The following PEX19 variants were observed in gnomAD, a reference collection of about 807,000 sequenced individuals.
PEX19 encodes 33 kDa housekeeping protein.
A neutral mutation model predicts 36.3 loss-of-function variants in PEX19; 29 were observed. That is an observed-to-expected ratio of 0.80 (90% CI 0.60 to 1.09). The LOEUF is 1.09. Ranked by LOEUF, PEX19 falls within the 50% of genes least tolerant of loss-of-function variation. The pLI, the probability that PEX19 is intolerant of heterozygous loss-of-function variation, is 0.00. For synonymous variants in PEX19, 141 were observed against 135.2 expected, an observed-to-expected ratio of 1.04 and a Z score of -0.30; for missense variants, 396 against 368.1, an observed-to-expected ratio of 1.08 and a Z score of -0.62.
Position 160,282,974 on chromosome 1 carries a change from G to C in PEX19, c.316C>G (p.Gln106Glu), listed in dbSNP as rs1366310320. 2 of 1,614,200 alleles carry C rather than the reference G, an allele frequency of 1.2e-6. No individual in the cohort carries two copies. The highest frequency in any genetic ancestry group is 1.7e-6 in the Non-Finnish European group (2 of 1,180,026). ...EEEPHLVEQF[Q>E]KLSEAAGRVG... The stretch of plus-strand genomic sequence containing the variant: ...CTCCCTGCAGCCTCTGAGAGCTTTT[G>C]GAACTGCTCCACCAGGTGGGGTTCT... Residue 106 changes from glutamine (Q) to glutamate (E), a missense_variant, in exon 3 of 8, where the codon CAA (glutamine) becomes GAA (glutamate). By Grantham distance (29) the Gln-to-Glu change is conservative. Coordinates refer to ENST00000368072, the MANE Select transcript of PEX19 (RefSeq NM_002857.4).
intron 5 of PEX19, among the ~76,000 whole-genome samples, chr1:160,280,849 A>G (rs1328159651): frequency 6.6e-6 from 1 of 152,054 alleles, no homozygotes; most frequent in Non-Finnish European, 1.5e-5. Context: ...TTTTTTTCAA[A>G]TGACCTTAAA....
chr1:160,285,109 C>T lies in PEX19; in HGVS notation c.16G>A (p.Glu6Lys), dbSNP rs145845197. The change falls in exon 1 of 8, where the codon GAA (glutamate) becomes AAA (lysine). Residue 6 changes from glutamate (E) to lysine (K), a missense_variant. Transcript: ENST00000368072. Reference sequence around the variant, plus strand: ...GCTTCGGCCCCGACACTACAGCCTTCCTCAGCGGCGGCCATCTTGCTACCT... The same window carrying T: ...GCTTCGGCCCCGACACTACAGCCTTTCTCAGCGGCGGCCATCTTGCTACCT... MAAAE[E>K]GCSVGAEADR... The T allele has an allele frequency of 8.6e-4, 1,396 of 1,614,034 alleles. 3 individuals carry two copies. The highest frequency in any genetic ancestry group is 9.1e-4 in the Non-Finnish European group (1,079 of 1,179,912).
At position 160,279,792 on chromosome 1, in the gene PEX19, C is replaced by T. The variant is rs768845866; in HGVS notation, c.816+9G>A. 3.1e-6 allele frequency: 5 copies of T among 1,610,912 alleles called. No homozygotes were observed. Among genetic ancestry groups the T allele is most frequent in the Non-Finnish European group, 3.4e-6 (4 of 1,177,062 alleles). ...CAAATTAAAATCTGGAAAAATAAGA[C>T]ATACTCACCATCTCTCCAGCCAGCT... On this transcript the variant is annotated intron_variant, in intron 7 of 7. Coordinates refer to ENST00000368072, the MANE Select transcript of PEX19 (RefSeq NM_002857.4).
At chr1:160,281,824 T>C (rs1657781209) in intron 5 of PEX19, among the ~76,000 whole-genome samples, 1 of 152,112 alleles carries the variant, frequency 6.6e-6, no homozygotes, top group African/African-American at 2.4e-5. Flanking sequence ...CCCCAAACGT[T>C]ATACCTCTTA....
rs1571133303 is a variant in PEX19, at chr1:160,278,124, T to C, written c.*1427A>G. 1.4e-6 allele frequency: 1 copy of C among 702,432 alleles called. No individual in the cohort carries two copies. Among genetic ancestry groups the C allele is most frequent in the East Asian group, 2.7e-5 (1 of 37,284 alleles). The allele number at this position is 702,432 out of a possible 1,614,324, so 43.5% of individuals were successfully genotyped here. On this transcript the variant is annotated 3_prime_UTR_variant, in exon 8 of 8. Transcript: ENST00000368072. ...GGACAGCCAGCTGAGCTGACCAGAGTACCTACCAACATATGTCAGCCAAGG... is the reference window on the plus strand; with the variant it reads ...GGACAGCCAGCTGAGCTGACCAGAGCACCTACCAACATATGTCAGCCAAGG...
chr1:160,281,458 G>T (rs865837698), intron 5 of PEX19, among the ~76,000 whole-genome samples: 8 of 152,166 alleles, frequency 5.3e-5, no homozygotes, highest in African/African-American at 1.7e-4. Context: ...ACCCAGGCCG[G>T]AGTACAGTGG....
chr1:160,284,065 A>G (rs1657896931), intron 1 of PEX19: 1 of 471,750 alleles, frequency 2.1e-6, no homozygotes, highest in Non-Finnish European at 4.4e-6. Context: ...TTGGTGAGAA[A>G]GCACAGGACA....
intron 2 of PEX19, 71 bp downstream of exon 2, chr1:160,283,459 G>C: frequency 8.8e-7 from 1 of 1,132,676 alleles, no homozygotes; most frequent in South Asian, 1.4e-5. Flanking sequence ...GGCCCATAGG[G>C]GCCTGCCCAA....
At position 160,277,014 on chromosome 1, in the gene PEX19, C is replaced by G; in HGVS notation, c.*2537G>C. On this transcript the variant is annotated 3_prime_UTR_variant, in exon 8 of 8. Coordinates refer to ENST00000368072, the MANE Select transcript of PEX19 (RefSeq NM_002857.4). ...GCAGAAAAGGAAGGCTAGAGAAATG[C>G]TAGAGATGTCCTTACTAGTGACACA... 1 of 454,038 alleles carries G rather than the reference C, an allele frequency of 2.2e-6. No individual in the cohort carries two copies. Among genetic ancestry groups the G allele is most frequent in the South Asian group, 1.6e-5 (1 of 64,472 alleles). 28.1% of individuals were successfully genotyped at this position (454,038 alleles called of 1,614,324 possible).
At chr1:160,280,274 G>T (rs779026785) in intron 5 of PEX19, 28 bp from the exon 6 acceptor site, 17 of 1,585,260 alleles carry the variant, frequency 1.1e-5, no homozygotes, top group Non-Finnish European at 1.5e-5. Flanking sequence ...GGGTGGAAAA[G>T]AATTAAGTGA....
At chr1:160,281,971 C>CA in intron 5 of PEX19, 68 bp downstream of exon 5, 1 of 1,386,632 alleles carries the variant, frequency 7.2e-7, no homozygotes, top group Non-Finnish European at 1.0e-6. Flanking sequence ...TCTGAGTAGA[C>CA]AAAATAGCCC....
At chr1:160,284,621 G>A (rs1427843895) in intron 1 of PEX19, among the ~76,000 whole-genome samples, 1 of 152,184 alleles carries the variant, frequency 6.6e-6, no homozygotes, top group Non-Finnish European at 1.5e-5. Flanking sequence ...TGTCTTTCGT[G>A]TTAAGGAAGA....
rs1319943502 is a variant in PEX19, at chr1:160,277,274, A to G, written c.*2277T>C. ...TGTTTAAAAACTTTTTAGCATTTCAATGTTGCTGTGATATCCAAGTACATG... is the reference window on the plus strand; with the variant it reads ...TGTTTAAAAACTTTTTAGCATTTCAGTGTTGCTGTGATATCCAAGTACATG... On this transcript the variant is annotated 3_prime_UTR_variant, in exon 8 of 8. Coordinates refer to ENST00000368072, the MANE Select transcript of PEX19 (RefSeq NM_002857.4). 2.2e-6 allele frequency: 1 copy of G among 455,976 alleles called. No individual in the cohort carries two copies. The highest frequency in any genetic ancestry group is 4.4e-6 in the Non-Finnish European group (1 of 226,786). The allele number at this position is 455,976 out of a possible 1,614,324, so 28.2% of individuals were successfully genotyped here.
At position 160,283,535 on chromosome 1, in the gene PEX19, C is replaced by T. The variant is rs781570230; in HGVS notation, c.175G>A (p.Ala59Thr). ...TAAGGGGGTGGAATTTATACTTTGG[C>T]AGTGTCTCCTGGCGATCTCTTCTGG... ...GPQKRSPGDT[A>T]KDALFASQEK... The change falls in exon 2 of 8, where the codon GCC (alanine) becomes ACC (threonine). Residue 59 changes from alanine (A) to threonine (T), a missense_variant. Ala to Thr is a moderately conservative substitution (Grantham distance 58). Transcript: ENST00000368072. 6.2e-7 allele frequency: 1 copy of T among 1,608,012 alleles called. No individual in the cohort carries two copies. The highest frequency in any genetic ancestry group is 8.5e-7 in the Non-Finnish European group (1 of 1,174,560).
intron 1 of PEX19, among the ~76,000 whole-genome samples, chr1:160,284,680 T>C (rs900536530): frequency 6.6e-6 from 1 of 152,204 alleles, no homozygotes; most frequent in Non-Finnish European, 1.5e-5. Flanking sequence ...GGAGTTAATG[T>C]AAGCAATCAG....
chr1:160,284,026 A>G (rs549787205), intron 1 of PEX19: 2 of 469,076 alleles, frequency 4.3e-6, no homozygotes, highest in Admixed American at 2.4e-5. Flanking sequence ...ATCCCTCTGA[A>G]CTCACTCTGG....
chr1:160,279,523 G>T lies in PEX19; in HGVS notation c.*28C>A. ...TGACTCCAGATGTTCCCCATAGCTGGGACTCAGAGAGGAAAACGTGTTGTG... is the reference window on the plus strand; with the variant it reads ...TGACTCCAGATGTTCCCCATAGCTGTGACTCAGAGAGGAAAACGTGTTGTG... On this transcript the variant is annotated 3_prime_UTR_variant, in exon 8 of 8. Transcript: ENST00000368072. 1 of 1,580,592 alleles carries T rather than the reference G, an allele frequency of 6.3e-7. No individual in the cohort carries two copies. Among genetic ancestry groups the T allele is most frequent in the South Asian group, 1.1e-5 (1 of 90,404 alleles).
chr1:160,283,947 C>T (rs74125562), intron 1 of PEX19, among the ~76,000 whole-genome samples: 1,826 of 152,238 alleles, frequency 0.012, 41 homozygotes, highest in African/African-American at 0.041. Flanking sequence ...GTCTCCCTTG[C>T]CACACCCTAA....
chr1:160,282,748 A>C, intron 3 of PEX19, 196 bp downstream of exon 3: 1 of 702,764 alleles, frequency 1.4e-6, no homozygotes, highest in Non-Finnish European at 2.5e-6. Flanking sequence ...GTTTTGAATA[A>C]TGTTTTCTAT....
Sources: gnomAD v4.1 joint callset for allele counts (sites outside exome capture counted in the v4.1 genomes callset) on GRCh38, gnomAD v4.1.1 for gene constraint, MANE v1.5 for transcripts, NCBI Gene and HGNC (gene_info 2026-07-23, HGNC 2026-07-21) for gene names.